Variants in STAG1 observed in about 807,000 individuals in gnomAD.
The protein encoded by STAG1 is STAG1 cohesin complex component.
STAG1 carries 26 observed loss-of-function variants against 170.9 expected under a neutral mutation model. The ratio of observed to expected loss-of-function variants is 0.15; its 90% CI spans 0.11 to 0.21. The LOEUF (loss-of-function observed/expected upper bound fraction) is 0.21, where lower values mean the gene tolerates loss of function less well. Among genes scored for constraint, STAG1 ranks in the 10% least tolerant of loss-of-function variants. The pLI is 1.00. For synonymous variants in STAG1, 514 were observed against 497.7 expected, an observed-to-expected ratio of 1.03 and a Z score of -0.44; for missense variants, 964 against 1,509.5, an observed-to-expected ratio of 0.64 and a Z score of 5.99.
chr3:136,487,528 T>C (rs972072289), intron 9 of STAG1, among the ~76,000 whole-genome samples: 1 of 152,206 alleles, frequency 6.6e-6, no homozygotes, highest in Admixed American at 6.5e-5. Context: ...ACTTGCAATT[T>C]GACCATGTGG....
chr3:136,694,625 A>C (rs1442600195), intron 1 of STAG1, among the ~76,000 whole-genome samples: 1 of 152,022 alleles, frequency 6.6e-6, no homozygotes, highest in Non-Finnish European at 1.5e-5. Context: ...AAAAAAAAAA[A>C]AAAACATTGG....
chr3:136,383,903 C>G (rs911361158), intron 22 of STAG1, among the ~76,000 whole-genome samples: 2 of 145,100 alleles, frequency 1.4e-5, no homozygotes, highest in African/African-American at 5.1e-5. Flanking sequence ...TGCAGTGAGC[C>G]GAGATCGCAC....
At chr3:136,515,814 AT>A (rs1934344367) in intron 7 of STAG1, among the ~76,000 whole-genome samples, 1 of 152,226 alleles carries the variant, frequency 6.6e-6, no homozygotes, top group Admixed American at 6.5e-5. Context: ...AAACTACATG[AT>A]ATAGTGGTAT....
chr3:136,505,461 C>A (rs1016215485), intron 7 of STAG1, among the ~76,000 whole-genome samples: 1 of 152,122 alleles, frequency 6.6e-6, no homozygotes, highest in Non-Finnish European at 1.5e-5. Flanking sequence ...CAATTTAATG[C>A]CTGTTGATTT....
At chr3:136,455,192 G>A (rs968736970) in intron 13 of STAG1, among the ~76,000 whole-genome samples, 33 of 152,138 alleles carry the variant, frequency 2.2e-4, no homozygotes, top group South Asian at 4.1e-4. Flanking sequence ...GCAAGATGGT[G>A]GAACAGAAGA....
At chr3:136,694,290 G>A (rs991051421) in intron 1 of STAG1, among the ~76,000 whole-genome samples, 1 of 152,042 alleles carries the variant, frequency 6.6e-6, no homozygotes, top group Non-Finnish European at 1.5e-5. Context: ...GTGTTGGGCT[G>A]GTCTCCCACA....
At chr3:136,392,028 A>G (rs748254564) in intron 22 of STAG1, among the ~76,000 whole-genome samples, 1 of 152,226 alleles carries the variant, frequency 6.6e-6, no homozygotes, top group Non-Finnish European at 1.5e-5. Flanking sequence ...TTCAATTATA[A>G]CTACCATTCA....
chr3:136,627,385 A>ACGCTGCATATTGCATAT (rs1940152185), intron 2 of STAG1, among the ~76,000 whole-genome samples: 1 of 152,228 alleles, frequency 6.6e-6, no homozygotes, highest in Non-Finnish European at 1.5e-5. Context: ...ATAAATATTT[A>ACGCTGCATATTGCATAT]GGCTTTTGCA....
At chr3:136,381,446 GAGAGATT>G (rs1937956741) in intron 22 of STAG1, among the ~76,000 whole-genome samples, 1 of 152,152 alleles carries the variant, frequency 6.6e-6, no homozygotes, top group African/African-American at 2.4e-5. Flanking sequence ...AAATGCCACA[GAGAGATT>G]AGAGATAAGT....
At chr3:136,681,093 A>G (rs939312775) in intron 1 of STAG1, among the ~76,000 whole-genome samples, 31 of 152,188 alleles carry the variant, frequency 2.0e-4, no homozygotes, top group Admixed American at 1.7e-3. Context: ...GAAAAAGTCT[A>G]TACACATGCA....
chr3:136,503,066 T>A (rs1933566240), intron 7 of STAG1, among the ~76,000 whole-genome samples: 1 of 152,152 alleles, frequency 6.6e-6, no homozygotes, highest in East Asian at 1.9e-4. Context: ...AACTCCTTTC[T>A]CCTACTCCTA....
intron 13 of STAG1, among the ~76,000 whole-genome samples, chr3:136,460,419 T>C (rs546023676): frequency 7.9e-5 from 12 of 152,060 alleles, no homozygotes; most frequent in African/African-American, 1.2e-4. Context: ...CTGGCCAAGA[T>C]GGTGAAACCC....
chr3:136,744,627 G>A (rs1934841836), intron 1 of STAG1, among the ~76,000 whole-genome samples: 1 of 149,040 alleles, frequency 6.7e-6, no homozygotes, highest in African/African-American at 2.5e-5. Context: ...TTTTCCCAGT[G>A]TTAGCTGCTG....
At chr3:136,643,888 A>G (rs968847041) in intron 1 of STAG1, among the ~76,000 whole-genome samples, 1 of 152,192 alleles carries the variant, frequency 6.6e-6, no homozygotes, top group Non-Finnish European at 1.5e-5. Flanking sequence ...ACAGTTTACA[A>G]TTTACTAGAC....
chr3:136,406,463 T>C (rs1319298626), intron 21 of STAG1, among the ~76,000 whole-genome samples: 1 of 152,212 alleles, frequency 6.6e-6, no homozygotes, highest in African/African-American at 2.4e-5. Context: ...AACTGTTATG[T>C]ATCTTGATTA....
At chr3:136,467,114 G>T (rs1250237306) in intron 12 of STAG1, among the ~76,000 whole-genome samples, 1 of 152,186 alleles carries the variant, frequency 6.6e-6, no homozygotes. Flanking sequence ...AAAATAACCA[G>T]CTAACATCAT....
At chr3:136,343,790 T>C in intron 30 of STAG1, 42 bp downstream of exon 30, 1 of 1,467,126 alleles carries the variant, frequency 6.8e-7, no homozygotes. Flanking sequence ...TTTTACTTTC[T>C]TTAAAGGCTT....
intron 12 of STAG1, among the ~76,000 whole-genome samples, chr3:136,468,481 C>A (rs1173856969): frequency 6.6e-6 from 1 of 152,112 alleles, no homozygotes; most frequent in Non-Finnish European, 1.5e-5. Flanking sequence ...CCTGAATAGA[C>A]CAATAACAGG....
Position 136,708,993 on chromosome 3 carries a change from T to TTA in STAG1, c.-84+43201_-84+43202insTA, listed in dbSNP as rs1553769638. ...TTTTTTTTTTTTTTTTTTTTTTTTT[T>TTA]AAAGACAGGGTCTCAGCCAGGTGCG... is the stretch of plus-strand genomic sequence containing the variant. On this transcript the variant is annotated intron_variant, in intron 1 of 33. Transcript: ENST00000383202. Among the ~76,000 whole-genome samples, 180 of 130,540 alleles carry TTA rather than the reference T, an allele frequency of 1.4e-3. 5 individuals carry two copies. Among genetic ancestry groups the TTA allele is most frequent in the Admixed American group, 9.5e-3 (123 of 12,936 alleles). 85.6% of individuals were successfully genotyped at this position (130,540 alleles called of 152,430 possible).
Sources: allele counts gnomAD v4.1 joint callset (sites outside exome capture counted in the v4.1 genomes callset), GRCh38; gene constraint gnomAD v4.1.1; transcripts MANE v1.5; gene names NCBI Gene and HGNC (gene_info 2026-07-23, HGNC 2026-07-21).